Variants in THRAP3 observed in about 807,000 individuals in gnomAD.
The protein encoded by THRAP3 is thyroid hormone receptor associated protein 3.
In THRAP3, 16 loss-of-function variants were observed where a neutral mutation model predicts 101.0. The ratio of observed to expected loss-of-function variants is 0.16; its 90% confidence interval spans 0.11 to 0.24. THRAP3 has a LOEUF of 0.24. Among genes scored for constraint, THRAP3 ranks in the 10% least tolerant of loss-of-function variants. The pLI is 1.00. For synonymous variants in THRAP3, 407 were observed against 422.6 expected, an observed-to-expected ratio of 0.96 and a Z score of 0.45; for missense variants, 989 against 1,202.7, an observed-to-expected ratio of 0.82 and a Z score of 2.63.
In THRAP3 at chr1:36,286,476, G is replaced by A. The variant is rs758064788; in HGVS notation, c.246G>A (p.Arg82=). The part of the protein sequence containing the change: ...DFRGHNRGYR[R]PYYFRGRNRG... Reference sequence around the variant, plus strand: ...GAGGTCACAACAGAGGCTATAGAAGGCCCTATTATTTCCGTGGGCGTAACA... The same window carrying A: ...GAGGTCACAACAGAGGCTATAGAAGACCCTATTATTTCCGTGGGCGTAACA... Residue 82 remains arginine (R), a synonymous_variant, in exon 4 of 12, where the codon AGG becomes AGA. Transcript: ENST00000354618. This position sits in a 1 kb window ranked among gnomAD's most constrained non-coding sequence, Gnocchi z 5.5. 1.5e-5 allele frequency: 25 copies of A among 1,614,132 alleles called. No individual in the cohort carries two copies. Among genetic ancestry groups the A allele is most frequent in the Non-Finnish European group, 1.9e-5 (23 of 1,180,038 alleles).
intron 1 of THRAP3, among the ~76,000 whole-genome samples, chr1:36,250,683 G>A (rs900042826): frequency 6.6e-6 from 1 of 151,372 alleles, no homozygotes; most frequent in African/African-American, 2.4e-5. Context: ...AGGCTGAAGC[G>A]GGCGGATCAC....
intron 1 of THRAP3, among the ~76,000 whole-genome samples, chr1:36,233,578 G>T (rs990354725): frequency 1.1e-4 from 16 of 150,346 alleles, no homozygotes; most frequent in African/African-American, 3.7e-4. Context: ...TGGGCAACAT[G>T]ATGAAACCCC....
intron 9 of THRAP3, among the ~76,000 whole-genome samples, chr1:36,299,163 G>A (rs957290443): frequency 5.3e-5 from 8 of 151,970 alleles, no homozygotes; most frequent in African/African-American, 1.9e-4. Context: ...AATGCTGGCC[G>A]GATGCGGTGG....
intron 1 of THRAP3, among the ~76,000 whole-genome samples, chr1:36,234,807 C>CTTTTTTTTTTTTTTTTTT (rs35278020): frequency 1.9e-4 from 14 of 72,480 alleles, no homozygotes; most frequent in Non-Finnish European, 2.2e-4. Context: ...CTGTTTCAGT[C>CTTTTTTTTTTTTTTTTTT]TTTTTTTTTT....
At chr1:36,270,049 T>G (rs1329197026) in intron 2 of THRAP3, among the ~76,000 whole-genome samples, 4 of 152,190 alleles carry the variant, frequency 2.6e-5, no homozygotes, top group Non-Finnish European at 5.9e-5. Flanking sequence ...GGGTTCCCTA[T>G]ACTGTTCTTT....
At chr1:36,223,804 C>T (rs996469492), upstream of THRAP3, among the ~76,000 whole-genome samples, 2 of 152,050 alleles carry the variant, frequency 1.3e-5, no homozygotes, top group African/African-American at 4.8e-5. Context: ...GAGGCGGTTT[C>T]TGGGTCTCCG....
At chr1:36,279,957 C>T (rs944579557) in intron 2 of THRAP3, among the ~76,000 whole-genome samples, 1 of 152,182 alleles carries the variant, frequency 6.6e-6, no homozygotes, top group Non-Finnish European at 1.5e-5. Flanking sequence ...CCAGACACTG[C>T]TCTAGACAGG....
chr1:36,260,652 C>A (rs1264562815), intron 2 of THRAP3, among the ~76,000 whole-genome samples: 2 of 151,948 alleles, frequency 1.3e-5, no homozygotes, highest in Non-Finnish European at 2.9e-5. Context: ...GAAACCCCAT[C>A]TCTACTAAAA....
At chr1:36,301,832 T>G (rs1646034620) in intron 11 of THRAP3, 136 bp downstream of exon 11, 2 of 1,084,824 alleles carry the variant, frequency 1.8e-6, no homozygotes, top group East Asian at 5.1e-5. Flanking sequence ...CATGTGTACT[T>G]GCATAGTGCT....
chr1:36,250,927 A>G (rs983770986), intron 1 of THRAP3, among the ~76,000 whole-genome samples: 4 of 151,136 alleles, frequency 2.6e-5, no homozygotes, highest in Non-Finnish European at 5.9e-5. Flanking sequence ...TTGTATTTTT[A>G]GTAGAGATGG....
intron 2 of THRAP3, among the ~76,000 whole-genome samples, chr1:36,277,545 C>CGGGT (rs1645676615): frequency 6.6e-6 from 1 of 151,276 alleles, no homozygotes; most frequent in South Asian, 2.1e-4. Context: ...CGTGCTTTGT[C>CGGGT]ACCCAGGCTG....
intron 2 of THRAP3, among the ~76,000 whole-genome samples, chr1:36,274,076 T>TCACA (rs763330875): frequency 0.021 from 943 of 44,750 alleles, 6 homozygotes; most frequent in African/African-American, 0.042. Context: ...TGTGTGTGTG[T>TCACA]CACACACACA....
In THRAP3 at chr1:36,268,612, C is replaced by G. The variant is rs537805816; in HGVS notation, c.-32+9128C>G. Among the ~76,000 whole-genome samples the G allele has an allele frequency of 3.0e-4, 45 of 152,300 alleles. No individual in the cohort carries two copies. In the East Asian group the frequency reaches 6.6e-3, roughly 22 times the overall value. ...TGAACTTCTGGGCTCAAGCGATACT[C>G]CTGTCTCAGCTTCCATAGTACGAGG... On this transcript the variant is annotated intron_variant, in intron 2 of 11. Coordinates refer to ENST00000354618, the MANE Select transcript of THRAP3 (RefSeq NM_005119.4).
upstream of THRAP3, among the ~76,000 whole-genome samples, chr1:36,223,475 A>C (rs1301044964): frequency 6.6e-6 from 1 of 152,196 alleles, no homozygotes; most frequent in Non-Finnish European, 1.5e-5. Flanking sequence ...GTAAGATGCA[A>C]ACTTACTGTG....
At chr1:36,279,700 T>A (rs1050399615) in intron 2 of THRAP3, among the ~76,000 whole-genome samples, 2 of 152,226 alleles carry the variant, frequency 1.3e-5, no homozygotes, top group Non-Finnish European at 2.9e-5. Context: ...AGTTTCTCAG[T>A]TCTCCTCTAA....
chr1:36,282,039 C>T (rs1645737889), intron 2 of THRAP3, among the ~76,000 whole-genome samples: 1 of 151,756 alleles, frequency 6.6e-6, no homozygotes, highest in Non-Finnish European at 1.5e-5. Context: ...AGCCATTGCA[C>T]TCTAGCCTGG....
intron 1 of THRAP3, chr1:36,225,586 C>T (rs1557800934): frequency 6.6e-6 from 1 of 151,890 alleles, no homozygotes; most frequent in South Asian, 2.1e-4. Context: ...GAGTGTGCGC[C>T]GAGAGAGATG....
At chr1:36,244,719 TG>T (rs1382167629) in intron 1 of THRAP3, among the ~76,000 whole-genome samples, 2 of 151,046 alleles carry the variant, frequency 1.3e-5, no homozygotes, top group East Asian at 3.9e-4. Flanking sequence ...ATTTTACTTG[TG>T]GGTTTTTTTT....
intron 1 of THRAP3, among the ~76,000 whole-genome samples, 163 bp downstream of exon 1, chr1:36,224,668 C>T (rs528677201): frequency 9.9e-4 from 151 of 152,168 alleles, no homozygotes; most frequent in Non-Finnish European, 1.8e-3. Flanking sequence ...GGCTCCGTTC[C>T]CTCCGGCTCC....
Sources: allele counts gnomAD v4.1 joint callset (sites outside exome capture counted in the v4.1 genomes callset), GRCh38; gene constraint gnomAD v4.1.1; non-coding constraint Gnocchi (gnomAD v3.1); transcripts MANE v1.5; gene names NCBI Gene and HGNC (gene_info 2026-07-23, HGNC 2026-07-21).